The following TGFBR3 variants were observed in gnomAD, a reference collection of about 807,000 sequenced individuals.
TGFBR3 encodes the protein transforming growth factor beta receptor type 3.
TGFBR3 carries 46 observed loss-of-function variants against 87.9 expected under a neutral mutation model. The ratio of observed to expected loss-of-function variants is 0.52; its 90% CI spans 0.41 to 0.67. The LOEUF (loss-of-function observed/expected upper bound fraction) is 0.67, where lower values mean the gene tolerates loss of function less well. TGFBR3 is among the 30% of genes least tolerant of loss of function. The pLI is 0.00. For synonymous variants in TGFBR3, 381 were observed against 391.6 expected, an observed-to-expected ratio of 0.97 and a Z score of 0.32; for missense variants, 866 against 1,041.9, an observed-to-expected ratio of 0.83 and a Z score of 2.32.
intron 1 of TGFBR3, among the ~76,000 whole-genome samples, chr1:91,877,984 A>G (rs1678921426): frequency 6.6e-6 from 1 of 152,248 alleles, no homozygotes; most frequent in Non-Finnish European, 1.5e-5. Flanking sequence ...TCTCCCACAC[A>G]CATAGGGAAG....
intron 3 of TGFBR3, among the ~76,000 whole-genome samples, chr1:91,767,202 A>C (rs57491683): frequency 0.044 from 5,848 of 133,972 alleles, 1,522 homozygotes; most frequent in African/African-American, 0.16. Flanking sequence ...CAAACAAACA[A>C]AACCCCACAA....
chr1:91,766,251 G>C (rs1166195813), intron 3 of TGFBR3: 8 of 125,594 alleles, frequency 6.4e-5, no homozygotes, highest in African/African-American at 2.5e-4. Flanking sequence ...TGTCCAAGCT[G>C]ATCTCAAATC....
intron 2 of TGFBR3, among the ~76,000 whole-genome samples, chr1:91,846,561 G>A (rs959522671): frequency 2.0e-5 from 3 of 150,902 alleles, no homozygotes; most frequent in Admixed American, 6.6e-5. Flanking sequence ...CAGGCTTTTC[G>A]CATTTGAGCT....
At chr1:91,759,009 A>G (rs1416765400) in intron 3 of TGFBR3, among the ~76,000 whole-genome samples, 3 of 152,222 alleles carry the variant, frequency 2.0e-5, no homozygotes, top group Non-Finnish European at 4.4e-5. Flanking sequence ...GCTCCCTGCC[A>G]AAGAACAAAT....
At chr1:91,851,606 T>C (rs1677739606) in intron 2 of TGFBR3, among the ~76,000 whole-genome samples, 1 of 152,188 alleles carries the variant, frequency 6.6e-6, no homozygotes, top group African/African-American at 2.4e-5. Flanking sequence ...GCAAACAAGC[T>C]GAGAAAGTCT....
intron 2 of TGFBR3, among the ~76,000 whole-genome samples, chr1:91,804,368 A>C (rs1187166970): frequency 6.6e-6 from 1 of 151,956 alleles, no homozygotes; most frequent in Admixed American, 6.5e-5. Flanking sequence ...ACAATCCTCT[A>C]TCTCTCCGTT....
intron 1 of TGFBR3, among the ~76,000 whole-genome samples, chr1:91,873,808 G>C (rs1421964691): frequency 6.6e-6 from 1 of 152,084 alleles, no homozygotes; most frequent in Non-Finnish European, 1.5e-5. Context: ...AAATTGGCTG[G>C]GCCTGATGGC....
chr1:91,879,674 A>C (rs1211168268), intron 1 of TGFBR3, among the ~76,000 whole-genome samples: 1 of 152,204 alleles, frequency 6.6e-6, no homozygotes, highest in Non-Finnish European at 1.5e-5. Context: ...AGAGAGCAAG[A>C]CATCAAAATC....
intron 2 of TGFBR3, among the ~76,000 whole-genome samples, chr1:91,811,629 A>C (rs1557723549): frequency 1.3e-5 from 2 of 152,224 alleles, no homozygotes; most frequent in Non-Finnish European, 1.5e-5. Context: ...GTTCAATAAA[A>C]GGCTAAGAGA....
At chr1:91,850,080 C>CAAAAAAAAAAAAAAAAA (rs376631972) in intron 2 of TGFBR3, among the ~76,000 whole-genome samples, 4 of 52,150 alleles carry the variant, frequency 7.7e-5, no homozygotes, top group African/African-American at 1.3e-4. Flanking sequence ...GACTCCATCT[C>CAAAAAAAAAAAAAAAAA]AAAAAAAAAA....
chr1:91,840,815 CTTT>C (rs35003643), intron 2 of TGFBR3, among the ~76,000 whole-genome samples: 1 of 147,034 alleles, frequency 6.8e-6, no homozygotes. Flanking sequence ...TGTTCATTTT[CTTT>C]TTTTTTTTTG....
chr1:91,863,332 A>G (rs1294709482), intron 1 of TGFBR3, among the ~76,000 whole-genome samples: 1 of 152,224 alleles, frequency 6.6e-6, no homozygotes, highest in African/African-American at 2.4e-5. Flanking sequence ...TATGATAAAG[A>G]TTAAAAATCT....
intron 2 of TGFBR3, among the ~76,000 whole-genome samples, chr1:91,819,753 A>G (rs1163679165): frequency 2.6e-5 from 4 of 152,040 alleles, no homozygotes; most frequent in African/African-American, 9.7e-5. Context: ...CCTCCCCTAA[A>G]TCCACAGGAT....
At chr1:91,836,715 G>A (rs1467354792) in intron 2 of TGFBR3, among the ~76,000 whole-genome samples, 1 of 152,040 alleles carries the variant, frequency 6.6e-6, no homozygotes, top group Non-Finnish European at 1.5e-5. Context: ...CCAAATTGTA[G>A]AAGTTAGTTC....
intron 4 of TGFBR3, among the ~76,000 whole-genome samples, chr1:91,742,461 C>G (rs1673190344): frequency 6.6e-6 from 1 of 152,170 alleles, no homozygotes; most frequent in South Asian, 2.1e-4. Flanking sequence ...TCATTGCTTC[C>G]CTTACTGCCC....
At chr1:91,814,314 T>C (rs976394653) in intron 2 of TGFBR3, among the ~76,000 whole-genome samples, 1 of 152,220 alleles carries the variant, frequency 6.6e-6, no homozygotes, top group Non-Finnish European at 1.5e-5. Context: ...AGCTCCTTCC[T>C]GAAATGAAAT....
intron 4 of TGFBR3, among the ~76,000 whole-genome samples, chr1:91,741,664 A>G (rs1453806864): frequency 1.3e-5 from 2 of 152,128 alleles, no homozygotes; most frequent in African/African-American, 4.8e-5. Flanking sequence ...CCAGCATACA[A>G]AAAGGTACTT....
Position 91,777,808 on chromosome 1 carries a change from G to A in TGFBR3, c.247-19058C>T, listed in dbSNP as rs554843500. Among the ~76,000 whole-genome samples the A allele has an allele frequency of 1.4e-4, 21 of 152,218 alleles. No individual in the cohort carries two copies. The South Asian group carries it at 2.5e-3, about 18-fold the overall frequency. Reference sequence around the variant, plus strand: ...TGGATGCACGGTGACCGTGAGCTCCGAGGGCTGCCTGTCTCCTCACTCCTG... The same window carrying A: ...TGGATGCACGGTGACCGTGAGCTCCAAGGGCTGCCTGTCTCCTCACTCCTG... On this transcript the variant is annotated intron_variant, in intron 3 of 16. Transcript: ENST00000212355.
chr1:91,734,671 A>G, intron 5 of TGFBR3, 105 bp downstream of exon 5: 1 of 1,433,666 alleles, frequency 7.0e-7, no homozygotes, highest in Non-Finnish European at 9.8e-7. Context: ...TTCCAGGTCC[A>G]ACATTCTGTA....
Sources: allele counts gnomAD v4.1 joint callset (sites outside exome capture counted in the v4.1 genomes callset), GRCh38; gene constraint gnomAD v4.1.1; transcripts MANE v1.5; gene names NCBI Gene and HGNC (gene_info 2026-07-23, HGNC 2026-07-21).